Variants in GSK3B observed in about 807,000 individuals in gnomAD.
GSK3B encodes the protein glycogen synthase kinase-3 beta.
Under a neutral mutation model 56.4 loss-of-function variants are expected in GSK3B, and 15 were observed. That is an observed-to-expected ratio of 0.27 (90% CI 0.18 to 0.41). GSK3B has a LOEUF of 0.41. Among genes scored for constraint, GSK3B ranks in the 10% least tolerant of loss-of-function variants. The probability of loss-of-function intolerance (pLI) is 1.00; values close to 1 mark genes in which losing one functional copy is unlikely to be tolerated. For missense variants in GSK3B, 300 were observed against 513.4 expected, an observed-to-expected ratio of 0.58 and a Z score of 4.02; for synonymous variants, 181 against 188.9, an observed-to-expected ratio of 0.96 and a Z score of 0.34.
chr3:120,008,946 CTAATA>C (rs1470483083), intron 1 of GSK3B, among the ~76,000 whole-genome samples: 1 of 148,908 alleles, frequency 6.7e-6, no homozygotes, highest in Admixed American at 6.7e-5. Flanking sequence ...TGACAAAGGG[CTAATA>C]TAAAGAATCT....
intron 1 of GSK3B, among the ~76,000 whole-genome samples, chr3:120,047,239 G>A (rs917334661): frequency 6.6e-6 from 1 of 152,092 alleles, no homozygotes; most frequent in East Asian, 1.9e-4. Context: ...CTCTCCACAA[G>A]ATCAAGAGCA....
At chr3:120,003,291 T>C (rs2057696175) in intron 1 of GSK3B, among the ~76,000 whole-genome samples, 1 of 152,172 alleles carries the variant, frequency 6.6e-6, no homozygotes, top group African/African-American at 2.4e-5. Context: ...CCTACTTCAC[T>C]AGGGATAGTC....
chr3:119,885,708 T>C (rs150849931), intron 7 of GSK3B, among the ~76,000 whole-genome samples: 56 of 152,170 alleles, frequency 3.7e-4, no homozygotes, highest in Non-Finnish European at 6.0e-4. Flanking sequence ...AACAGATTCA[T>C]AGACCAATGG....
chr3:119,992,910 A>C (rs933740005), intron 2 of GSK3B, among the ~76,000 whole-genome samples: 1 of 152,110 alleles, frequency 6.6e-6, no homozygotes, highest in Non-Finnish European at 1.5e-5. Context: ...ATTAGCAAAA[A>C]TTTAAAAAGT....
intron 5 of GSK3B, among the ~76,000 whole-genome samples, chr3:119,915,520 C>A (rs1004159051): frequency 3.3e-5 from 5 of 152,072 alleles, no homozygotes; most frequent in Non-Finnish European, 7.4e-5. Flanking sequence ...ATAAGCCACA[C>A]ATGTACTTGT....
chr3:119,837,289 G>C (rs1404216553), intron 10 of GSK3B, among the ~76,000 whole-genome samples: 2 of 151,876 alleles, frequency 1.3e-5, no homozygotes, highest in South Asian at 2.1e-4. Flanking sequence ...CGAATAGCTG[G>C]GACTATAGGC....
At chr3:119,995,478 T>A (rs1343755544) in intron 2 of GSK3B, among the ~76,000 whole-genome samples, 1 of 152,150 alleles carries the variant, frequency 6.6e-6, no homozygotes, top group Non-Finnish European at 1.5e-5. Flanking sequence ...ATTATTTTTT[T>A]TTTTTGAGAC....
chr3:119,899,833 A>G (rs1182223811), intron 7 of GSK3B, among the ~76,000 whole-genome samples: 9 of 152,194 alleles, frequency 5.9e-5, no homozygotes, highest in African/African-American at 1.9e-4. Flanking sequence ...CCTTAATTCT[A>G]TTCTCCATTG....
chr3:119,822,267 A>G lies in GSK3B; in HGVS notation c.*4521T>C, dbSNP rs2055421673. 2 of 172,214 alleles carry G rather than the reference A, an allele frequency of 1.2e-5. No individual in the cohort carries two copies. The highest frequency in any genetic ancestry group is 6.5e-5 in the Admixed American group (1 of 15,404). The allele number at this position is 172,214 out of a possible 1,614,324, so 10.7% of individuals were successfully genotyped here. A position where few individuals can be genotyped will look rare whatever the true frequency, so the allele number is the denominator to read the frequency against. ...TTTATATATATATATATATATATAT[A>G]ATAAATTTTGTTTTTTAGGTTTGTT... is the stretch of plus-strand genomic sequence containing the variant. On this transcript the variant is annotated 3_prime_UTR_variant, in exon 11 of 11. Transcript: ENST00000264235.
intron 1 of GSK3B, among the ~76,000 whole-genome samples, chr3:120,026,064 A>G (rs1031598686): frequency 6.6e-6 from 1 of 152,224 alleles, no homozygotes; most frequent in Admixed American, 6.5e-5. Context: ...TTATTAAATC[A>G]TAAGTTGGGA....
At chr3:119,860,822 A>G (rs1008296313) in intron 9 of GSK3B, among the ~76,000 whole-genome samples, 2 of 152,204 alleles carry the variant, frequency 1.3e-5, no homozygotes, top group Admixed American at 6.5e-5. Flanking sequence ...CGGCACTCAA[A>G]CATTCACTGA....
At chr3:119,854,448 A>G (rs557612928) in intron 9 of GSK3B, among the ~76,000 whole-genome samples, 22 of 152,324 alleles carry the variant, frequency 1.4e-4, no homozygotes, top group African/African-American at 5.1e-4. Flanking sequence ...TGAGTTAGGG[A>G]GAATTCCCTC....
chr3:119,886,284 A>C (rs547763688), intron 7 of GSK3B, among the ~76,000 whole-genome samples: 1 of 152,200 alleles, frequency 6.6e-6, no homozygotes, highest in African/African-American at 2.4e-5. Context: ...AACAAACATG[A>C]AAAAAATGCT....
chr3:119,965,955 A>G (rs2057315190), intron 2 of GSK3B, among the ~76,000 whole-genome samples: 1 of 152,232 alleles, frequency 6.6e-6, no homozygotes, highest in Admixed American at 6.5e-5. Flanking sequence ...TAGGTTCTCT[A>G]AGATTTCATG....
Position 119,890,403 on chromosome 3 carries a change from G to A in GSK3B, c.814-13895C>T, listed in dbSNP as rs765132686. Among the ~76,000 whole-genome samples, 4 of 152,038 alleles carry A rather than the reference G, an allele frequency of 2.6e-5. No homozygotes were observed. The South Asian group carries it at 6.2e-4, about 24-fold the overall frequency. ...AGATACAAAAGAAATATATGATTTCGTTTATGAAATTCTAGAATAGGCATC... is the reference window on the plus strand; with the variant it reads ...AGATACAAAAGAAATATATGATTTCATTTATGAAATTCTAGAATAGGCATC... On this transcript the variant is annotated intron_variant, in intron 7 of 10. Transcript: ENST00000264235.
intron 1 of GSK3B, among the ~76,000 whole-genome samples, chr3:120,005,779 C>T (rs1362155618): frequency 6.6e-6 from 1 of 152,154 alleles, no homozygotes; most frequent in Non-Finnish European, 1.5e-5. Context: ...GAAGGAAGCA[C>T]TAAACATGGA....
chr3:120,088,865 A>C (rs1464108116), intron 1 of GSK3B, among the ~76,000 whole-genome samples: 1 of 152,152 alleles, frequency 6.6e-6, no homozygotes, highest in African/African-American at 2.4e-5. Context: ...GTCATCTCCA[A>C]CCCTGTCTCA....
At chr3:119,892,984 T>C (rs2056520848) in intron 7 of GSK3B, among the ~76,000 whole-genome samples, 1 of 152,110 alleles carries the variant, frequency 6.6e-6, no homozygotes, top group Admixed American at 6.6e-5. Context: ...TCATCTCCTC[T>C]GGCATTTTCC....
In GSK3B at chr3:119,826,011, G is replaced by C. The variant is rs1278352851; in HGVS notation, c.*777C>G. 2 of 218,854 alleles carry C rather than the reference G, an allele frequency of 9.1e-6. No homozygotes were observed. Among genetic ancestry groups the C allele is most frequent in the African/African-American group, 4.5e-5 (2 of 44,514 alleles). 13.6% of individuals were successfully genotyped at this position (218,854 alleles called of 1,614,324 possible). ...TGTGCTAAGATTTGCAAAGAACTTT[G>C]GTCAGGCAAACAAAGAGCCACCTGT... On this transcript the variant is annotated 3_prime_UTR_variant, in exon 11 of 11. Coordinates refer to ENST00000264235, the MANE Select transcript of GSK3B (RefSeq NM_001146156.2).
Sources: gnomAD v4.1 joint callset for allele counts (sites outside exome capture counted in the v4.1 genomes callset) on GRCh38, gnomAD v4.1.1 for gene constraint, MANE v1.5 for transcripts, NCBI Gene and HGNC (gene_info 2026-07-23, HGNC 2026-07-21) for gene names.